The following TAFA1 variants were observed in gnomAD, a reference collection of about 807,000 sequenced individuals.
TAFA1 encodes chemokine-like protein TAFA-1.
Under a neutral mutation model 18.5 loss-of-function variants are expected in TAFA1, and 4 were observed. The observed-to-expected ratio is 0.22, with a 90% CI of 0.11 to 0.49. The LOEUF is 0.49. Ranked by LOEUF, TAFA1 falls within the 20% of genes least tolerant of loss-of-function variation. TAFA1 has a pLI of 0.98. For missense variants in TAFA1, 147 were observed against 169.0 expected (o/e 0.87, Z 0.72); for synonymous variants, 56 against 55.2 (o/e 1.01, Z -0.06).
upstream of TAFA1, among the ~76,000 whole-genome samples, chr3:68,000,606 A>G (rs1704273202): frequency 6.6e-6 from 1 of 152,248 alleles, no homozygotes; most frequent in Non-Finnish European, 1.5e-5. Flanking sequence ...GCAGTGGGAA[A>G]CTATTGAAAG....
chr3:68,379,896 C>A (rs2069899986), intron 2 of TAFA1, among the ~76,000 whole-genome samples: 1 of 151,954 alleles, frequency 6.6e-6, no homozygotes. Flanking sequence ...AGGTATATCT[C>A]CTAATGCTAT....
intron 2 of TAFA1, among the ~76,000 whole-genome samples, chr3:68,032,259 T>C (rs1288197404): frequency 6.6e-6 from 1 of 152,206 alleles, no homozygotes; most frequent in African/African-American, 2.4e-5. Context: ...GATGAGCAAG[T>C]GTACTAAAGT....
intron 3 of TAFA1, among the ~76,000 whole-genome samples, chr3:68,444,672 G>T (rs1045631412): frequency 2.6e-5 from 4 of 151,370 alleles, no homozygotes; most frequent in African/African-American, 4.9e-5. Flanking sequence ...TGGCTTATGT[G>T]TGTAATCTCA....
chr3:68,344,556 G>T (rs1411733508), intron 2 of TAFA1, among the ~76,000 whole-genome samples: 4 of 152,120 alleles, frequency 2.6e-5, no homozygotes, highest in African/African-American at 9.7e-5. Context: ...TAACATAGGA[G>T]TTCATTATTC....
At chr3:68,185,560 G>T (rs1314343161) in intron 2 of TAFA1, among the ~76,000 whole-genome samples, 1 of 151,942 alleles carries the variant, frequency 6.6e-6, no homozygotes, top group Non-Finnish European at 1.5e-5. Context: ...ATAAAACTTT[G>T]TATCGCTATG....
chr3:68,255,123 G>T (rs1488608666), intron 2 of TAFA1, among the ~76,000 whole-genome samples: 4 of 152,154 alleles, frequency 2.6e-5, no homozygotes, highest in Admixed American at 2.0e-4. Context: ...AACAGATGAA[G>T]AGTATTCATT....
chr3:68,278,348 A>G (rs1237715308), intron 2 of TAFA1, among the ~76,000 whole-genome samples: 1 of 152,182 alleles, frequency 6.6e-6, no homozygotes, highest in Non-Finnish European at 1.5e-5. Flanking sequence ...TAAACTAAGA[A>G]TCCCACTACC....
At chr3:68,542,088 A>T (rs796667147) in intron 4 of TAFA1, among the ~76,000 whole-genome samples, 1 of 152,166 alleles carries the variant, frequency 6.6e-6, no homozygotes, top group African/African-American at 2.4e-5. Context: ...GAGAAAATAT[A>T]GGTGGAATTA....
At chr3:68,412,241 G>A (rs2070732772) in intron 2 of TAFA1, among the ~76,000 whole-genome samples, 2 of 152,132 alleles carry the variant, frequency 1.3e-5, no homozygotes, top group South Asian at 2.1e-4. Context: ...GTACGTCAGG[G>A]TGGGACAGGG....
chr3:68,106,392 T>C (rs2065205054), intron 2 of TAFA1, among the ~76,000 whole-genome samples: 1 of 152,144 alleles, frequency 6.6e-6, no homozygotes, highest in Non-Finnish European at 1.5e-5. Context: ...GAAACGTGGT[T>C]AGCATAATTG....
At chr3:68,393,784 G>A (rs1426858538) in intron 2 of TAFA1, among the ~76,000 whole-genome samples, 1 of 151,930 alleles carries the variant, frequency 6.6e-6, no homozygotes, top group African/African-American at 2.4e-5. Flanking sequence ...CTCAATAGAT[G>A]CAAAAAAGGC....
In TAFA1 at chr3:68,136,302, A is replaced by G. The variant is rs562455089; in HGVS notation, c.118+129558A>G. Among the ~76,000 whole-genome samples, 7 of 152,314 alleles carry G rather than the reference A, an allele frequency of 4.6e-5. No individual in the cohort carries two copies. The East Asian group carries it at 1.4e-3, about 29-fold the overall frequency. Reference sequence around the variant, plus strand: ...GAGGAGAAAAGGCTTTCAACAAAGCATTGTCATTAGGGTTCGGTTAAATAT... The same window carrying G: ...GAGGAGAAAAGGCTTTCAACAAAGCGTTGTCATTAGGGTTCGGTTAAATAT... On this transcript the variant is annotated intron_variant, in intron 2 of 4. Transcript: ENST00000478136.
At chr3:68,521,813 C>CATAGAAGTG (rs1253842705) in intron 3 of TAFA1, among the ~76,000 whole-genome samples, 2 of 143,508 alleles carry the variant, frequency 1.4e-5, no homozygotes, top group Non-Finnish European at 3.0e-5. Flanking sequence ...TATGTTGTGA[C>CATAGAAGTG]AGAAACATAG....
chr3:68,430,125 C>A (rs1234239285), intron 3 of TAFA1, among the ~76,000 whole-genome samples: 2 of 151,818 alleles, frequency 1.3e-5, no homozygotes, highest in Admixed American at 6.6e-5. Flanking sequence ...TACAAGTAAA[C>A]CACACATTCA....
At chr3:68,400,682 A>T (rs2070469312) in intron 2 of TAFA1, among the ~76,000 whole-genome samples, 2 of 152,192 alleles carry the variant, frequency 1.3e-5, no homozygotes. Context: ...GATTCATAGA[A>T]GATGTTATTG....
chr3:68,298,548 T>C (rs149382919), intron 2 of TAFA1, among the ~76,000 whole-genome samples: 1 of 152,310 alleles, frequency 6.6e-6, no homozygotes, highest in African/African-American at 2.4e-5. Context: ...CAAACTCTCA[T>C]CTTGACTCAT....
chr3:68,529,433 C>T (rs1212499811), intron 3 of TAFA1, among the ~76,000 whole-genome samples: 4 of 73,818 alleles, frequency 5.4e-5, no homozygotes, highest in East Asian at 3.9e-4. Flanking sequence ...ATTCACCATT[C>T]TCTAAAAAAA....
chr3:68,544,253 AG>A (rs1315016543), intron 4 of TAFA1, among the ~76,000 whole-genome samples: 1 of 152,140 alleles, frequency 6.6e-6, no homozygotes, highest in Non-Finnish European at 1.5e-5. Context: ...CTCACTCCTC[AG>A]GAGTGACATC....
chr3:68,486,495 A>G (rs1407177092), intron 3 of TAFA1, among the ~76,000 whole-genome samples: 3 of 152,098 alleles, frequency 2.0e-5, no homozygotes, highest in Admixed American at 6.6e-5. Flanking sequence ...ACAAACAGAA[A>G]TGGGTTCAAA....
Sources: gnomAD v4.1 joint callset for allele counts (sites outside exome capture counted in the v4.1 genomes callset) on GRCh38, gnomAD v4.1.1 for gene constraint, MANE v1.5 for transcripts, NCBI Gene and HGNC (gene_info 2026-07-23, HGNC 2026-07-21) for gene names.